The following FGF1 variants were observed in gnomAD, a reference collection of about 807,000 sequenced individuals.
The protein encoded by FGF1 is fibroblast growth factor 1.
FGF1 carries 9 observed loss-of-function variants against 13.4 expected under a neutral mutation model. That is an observed-to-expected ratio of 0.67 (90% CI 0.40 to 1.17). The LOEUF is 1.17. Ranked by LOEUF, FGF1 falls within the 50% of genes most tolerant of loss-of-function variation. FGF1 has a pLI of 0.01. For missense variants in FGF1, 156 were observed against 192.7 expected, an observed-to-expected ratio of 0.81 and a Z score of 1.13; for synonymous variants, 93 against 79.0, an observed-to-expected ratio of 1.18 and a Z score of -0.94.
intron 1 of FGF1, among the ~76,000 whole-genome samples, chr5:142,674,796 T>G (rs1772192590): frequency 6.6e-6 from 1 of 152,168 alleles, no homozygotes; most frequent in South Asian, 2.1e-4. Flanking sequence ...GTTAGAGGTT[T>G]CTAAAGAGAT....
intron 1 of FGF1, among the ~76,000 whole-genome samples, chr5:142,648,685 C>A (rs1597319072): frequency 2.7e-5 from 2 of 73,884 alleles, no homozygotes; most frequent in African/African-American, 6.2e-5. Context: ...TGTCCCCCAC[C>A]AACCAAAAAA....
intron 1 of FGF1, among the ~76,000 whole-genome samples, chr5:142,625,785 A>C (rs980563567): frequency 6.6e-6 from 1 of 152,206 alleles, no homozygotes; most frequent in Non-Finnish European, 1.5e-5. Context: ...AATCTTTTGA[A>C]TCTGTTGTTG....
At chr5:142,675,118 CT>C (rs1203350527) in intron 1 of FGF1, among the ~76,000 whole-genome samples, 4 of 152,164 alleles carry the variant, frequency 2.6e-5, no homozygotes, top group African/African-American at 9.7e-5. Context: ...ACGCTCCCCC[CT>C]GCGCCGCATG....
intron 1 of FGF1, among the ~76,000 whole-genome samples, chr5:142,665,506 A>C (rs887958897): frequency 1.3e-5 from 2 of 151,876 alleles, no homozygotes; most frequent in African/African-American, 4.8e-5. Context: ...CCTCCCCCCA[A>C]CAAGGCTTCT....
intron 1 of FGF1, among the ~76,000 whole-genome samples, chr5:142,666,523 A>G (rs1346749569): frequency 1.4e-5 from 2 of 147,224 alleles, no homozygotes; most frequent in Non-Finnish European, 3.0e-5. Flanking sequence ...CAGTCTGTGT[A>G]TCCTCTGACA....
intron 1 of FGF1, among the ~76,000 whole-genome samples, chr5:142,660,427 C>T (rs770132185): frequency 7.2e-5 from 11 of 152,350 alleles, no homozygotes; most frequent in Admixed American, 3.3e-4. Flanking sequence ...GGGCCCAGGG[C>T]GGCTCCTTGG....
intron 1 of FGF1, among the ~76,000 whole-genome samples, chr5:142,658,897 C>T (rs908190267): frequency 6.6e-5 from 10 of 152,066 alleles, no homozygotes; most frequent in African/African-American, 2.2e-4. Flanking sequence ...ACTTGAGTCC[C>T]CAGTGCCTGG....
At chr5:142,687,379 C>T (rs1751428198), upstream of FGF1, among the ~76,000 whole-genome samples, 1 of 152,150 alleles carries the variant, frequency 6.6e-6, no homozygotes, top group South Asian at 2.1e-4. Context: ...AGCTCGTGTC[C>T]TGTACTAAAG....
At chr5:142,683,249 A>AGCAT (rs1774044595) in intron 1 of FGF1, among the ~76,000 whole-genome samples, 1 of 152,140 alleles carries the variant, frequency 6.6e-6, no homozygotes, top group South Asian at 2.1e-4. Context: ...CACAATACCT[A>AGCAT]ACCCCTGGGA....
intron 1 of FGF1, among the ~76,000 whole-genome samples, chr5:142,619,584 T>C (rs1344821350): frequency 6.6e-6 from 1 of 152,196 alleles, no homozygotes; most frequent in African/African-American, 2.4e-5. Flanking sequence ...CGGCAACTGG[T>C]AGGCGTAAGG....
chr5:142,694,208 A>G (rs915192480), intron 2 of FGF1, among the ~76,000 whole-genome samples: 6 of 145,398 alleles, frequency 4.1e-5, no homozygotes, highest in African/African-American at 1.5e-4. Context: ...ATGGAGAACC[A>G]AGCAGATTTG....
intron 1 of FGF1, chr5:142,644,397 G>C (rs1221538163): frequency 6.6e-6 from 1 of 152,192 alleles, no homozygotes; most frequent in Non-Finnish European, 1.5e-5. Context: ...CCCACCCCAT[G>C]TATTTGAAAG....
At position 142,592,180 on chromosome 5, in the gene FGF1, AC is replaced by A. The variant is rs1754384478; in HGVS notation, c.*3109del. On this transcript the variant is annotated 3_prime_UTR_variant, in exon 4 of 4. Transcript: ENST00000337706. ...TGCTCAGAAACTCAGAGACATTATC[AC>A]CTATTATTGGAACATTTATTAATAT... 2.5e-6 allele frequency: 1 copy of A among 395,926 alleles called. No individual in the cohort carries two copies. Among genetic ancestry groups the A allele is most frequent in the Non-Finnish European group, 4.4e-6 (1 of 224,792 alleles). The allele number at this position is 395,926 out of a possible 1,614,324, so 24.5% of individuals were successfully genotyped here. A position where few individuals can be genotyped will look rare whatever the true frequency, so the allele number is the denominator to read the frequency against.
In FGF1 at chr5:142,697,115, T is replaced by G. The variant is rs185610211; in HGVS notation, c.-35+507A>C. Among the ~76,000 whole-genome samples, 18 of 152,320 alleles carry G rather than the reference T, an allele frequency of 1.2e-4. No homozygotes were observed. The East Asian group carries it at 3.3e-3, about 28-fold the overall frequency. ...AAGGAACTCTTGAATCTGTTAAGTA[T>G]GTTTTGCAGGGCTCTAAGAAATCAG... On this transcript the variant is annotated intron_variant, in intron 2 of 4. Transcript: ENST00000407758.
chr5:142,595,544 C>A, intron 3 of FGF1, 60 bp from the exon 4 acceptor site: 1 of 1,431,628 alleles, frequency 7.0e-7, no homozygotes, highest in African/African-American at 1.4e-5. Flanking sequence ...CATGGGGGTC[C>A]CCATTTACTA....
At chr5:142,689,490 G>T (rs529074914), upstream of FGF1, among the ~76,000 whole-genome samples, 23 of 152,206 alleles carry the variant, frequency 1.5e-4, no homozygotes, top group Admixed American at 2.6e-4. Context: ...CAGAAGCTGA[G>T]TCCAATGACC....
chr5:142,648,869 G>A (rs371436490), intron 1 of FGF1, among the ~76,000 whole-genome samples: 17 of 152,098 alleles, frequency 1.1e-4, no homozygotes, highest in East Asian at 9.7e-4. Flanking sequence ...GGAAGAGGTC[G>A]GAGAGAATCA....
At chr5:142,636,493 C>T (rs1201873330) in intron 1 of FGF1, among the ~76,000 whole-genome samples, 3 of 152,164 alleles carry the variant, frequency 2.0e-5, no homozygotes, top group African/African-American at 7.2e-5. Flanking sequence ...TCAGTGAGTA[C>T]CTACTATGTG....
chr5:142,626,038 A>G (rs1762396378), intron 1 of FGF1, among the ~76,000 whole-genome samples: 1 of 152,234 alleles, frequency 6.6e-6, no homozygotes. Flanking sequence ...ATCCGTAAAT[A>G]ATAAAATATG....
Sources: allele counts gnomAD v4.1 joint callset (sites outside exome capture counted in the v4.1 genomes callset), GRCh38; gene constraint gnomAD v4.1.1; transcripts MANE v1.5; gene names NCBI Gene and HGNC (gene_info 2026-07-23, HGNC 2026-07-21).